The following C5AR1 variants were observed in gnomAD, a reference collection of about 807,000 sequenced individuals.
C5AR1 encodes C5a anaphylatoxin chemotactic receptor 1.
A neutral mutation model predicts 2.4 loss-of-function variants in C5AR1; 4 were observed. The ratio of observed to expected loss-of-function variants is 1.65; its 90% CI spans 0.81 to 3.77. The LOEUF (loss-of-function observed/expected upper bound fraction) is 3.77. Among genes scored for constraint, C5AR1 ranks in the 30% most tolerant of loss-of-function variants. C5AR1 has a pLI of 0.01. For synonymous variants in C5AR1, 209 were observed against 210.4 expected (o/e 0.99, Z 0.06); for missense variants, 418 against 462.5 (o/e 0.90, Z 0.88).
chr19:47,316,884 A>C (rs1004273697), intron 1 of C5AR1, among the ~76,000 whole-genome samples: 8 of 152,062 alleles, frequency 5.3e-5, no homozygotes, highest in Non-Finnish European at 1.0e-4. Flanking sequence ...CTAGAAAAAA[A>C]AAAACAAAAC....
chr19:47,320,242 C>T lies in C5AR1; in HGVS notation c.465C>T (p.Ile155=), dbSNP rs747376765. 19 of 1,613,880 alleles carry T rather than the reference C, an allele frequency of 1.2e-5. 2 individuals are homozygous for T. The South Asian group carries it at 1.4e-4, about 12-fold the overall frequency. The change falls in exon 2 of 2, where the codon ATC becomes ATT. Residue 155 remains isoleucine, a synonymous_variant. Coordinates refer to ENST00000355085, the MANE Select transcript of C5AR1 (RefSeq NM_001736.4). This position sits in a 1 kb window ranked among gnomAD's most constrained non-coding sequence, Gnocchi z 4.9. ...TCCGAGGGGCTGGCTTGGCCTGGAT[C>T]GCCTGTGCCGTGGCTTGGGGTTTAG... is the stretch of plus-strand genomic sequence containing the variant. The part of the protein sequence containing the change: ...QNFRGAGLAW[I]ACAVAWGLAL...
At chr19:47,311,904 C>T (rs2059272271) in intron 1 of C5AR1, among the ~76,000 whole-genome samples, 1 of 152,074 alleles carries the variant, frequency 6.6e-6, no homozygotes, top group Non-Finnish European at 1.5e-5. Flanking sequence ...CTACCTGGGG[C>T]AACCATGGGA....
Position 47,320,197 on chromosome 19 carries a change from AC to A in C5AR1, c.423del (p.Ile142SerfsTer22), listed in dbSNP as rs1283088401. On this transcript the variant is annotated frameshift_variant, in exon 2 of 2. Coordinates refer to ENST00000355085, the MANE Select transcript of C5AR1 (RefSeq NM_001736.4). LOFTEE classifies it low-confidence loss of function (END_TRUNC). The surrounding 1 kb of genome is among the most constrained non-coding windows in gnomAD (Gnocchi z 4.9). ...CCGACCGCTTTCTGCTGGTGTTTAA[AC>A]CCATCTGGTGCCAGAACTTCCGAGG... ...SADRFLLVFK[P>X]IWCQNFRGAG... 1.9e-6 allele frequency: 3 copies of A among 1,613,878 alleles called. No individual in the cohort carries two copies. Among genetic ancestry groups the A allele is most frequent in the Non-Finnish European group, 2.5e-6 (3 of 1,179,988 alleles).
intron 1 of C5AR1, among the ~76,000 whole-genome samples, chr19:47,318,381 C>T (rs540853135): frequency 6.6e-6 from 1 of 151,848 alleles, no homozygotes; most frequent in Non-Finnish European, 1.5e-5. Flanking sequence ...GCAACTTCCA[C>T]CTCCCAGGTT....
chr19:47,317,389 T>TC, intron 1 of C5AR1, among the ~76,000 whole-genome samples: 1 of 151,112 alleles, frequency 6.6e-6, no homozygotes, highest in African/African-American at 2.4e-5. Flanking sequence ...GCACCTGTAG[T>TC]CCCAGCTGCT....
intron 1 of C5AR1, among the ~76,000 whole-genome samples, chr19:47,310,695 C>G (rs1276433463): frequency 6.6e-6 from 1 of 152,128 alleles, no homozygotes; most frequent in Non-Finnish European, 1.5e-5. Flanking sequence ...TGGGTTCTTG[C>G]TATGTTGTCA....
chr19:47,311,164 C>CT (rs935022863), intron 1 of C5AR1, among the ~76,000 whole-genome samples: 80 of 147,616 alleles, frequency 5.4e-4, no homozygotes, highest in African/African-American at 8.6e-4. Context: ...TCTTCTTCTT[C>CT]TTTTTTTTTT....
At chr19:47,313,506 T>C (rs1445655221) in intron 1 of C5AR1, among the ~76,000 whole-genome samples, 1 of 150,864 alleles carries the variant, frequency 6.6e-6, no homozygotes, top group East Asian at 2.0e-4. Flanking sequence ...CCCAGCACTT[T>C]GGGAGGCTGA....
Position 47,321,058 on chromosome 19 carries a change from A to ACC in C5AR1, c.*235_*236dup. ...TCTAGGGAGCACCCTCCCACCCCCC[A>ACC]CCCCCCCCACACACACCATCTTTCC... On this transcript the variant is annotated 3_prime_UTR_variant, in exon 2 of 2. Transcript: ENST00000355085. The ACC allele has an allele frequency of 1.3e-5, 2 of 154,100 alleles. No individual in the cohort carries two copies. Among genetic ancestry groups the ACC allele is most frequent in the Non-Finnish European group, 2.2e-5 (2 of 89,052 alleles). 9.5% of individuals were successfully genotyped at this position (154,100 alleles called of 1,614,324 possible).
rs370410318 is a variant in C5AR1, at chr19:47,320,876, C to T, written c.*46C>T. On this transcript the variant is annotated 3_prime_UTR_variant, in exon 2 of 2. Transcript: ENST00000355085. The surrounding 1 kb of genome is among the most constrained non-coding windows in gnomAD (Gnocchi z 4.9). ...TGTGGCCCGATGTCCCCTTCCTTCC[C>T]GGCCATTCTCCCTCTTGTTTTCACT... The T allele has an allele frequency of 4.1e-5, 62 of 1,509,258 alleles. No homozygotes were observed. In the Middle Eastern group the frequency reaches 7.1e-4, roughly 17 times the overall value. The allele number at this position is 1,509,258 out of a possible 1,614,324, so 93.5% of individuals were successfully genotyped here. A position where few individuals can be genotyped will look rare whatever the true frequency, so the allele number is the denominator to read the frequency against.
chr19:47,311,296 G>T (rs2059269618), intron 1 of C5AR1, among the ~76,000 whole-genome samples: 1 of 151,968 alleles, frequency 6.6e-6, no homozygotes, highest in Non-Finnish European at 1.5e-5. Flanking sequence ...CGGATCACAA[G>T]GTCAGGAGAT....
upstream of C5AR1, among the ~76,000 whole-genome samples, chr19:47,308,682 A>T (rs1472332864): frequency 6.6e-6 from 1 of 151,140 alleles, no homozygotes; most frequent in Non-Finnish European, 1.5e-5. Flanking sequence ...CAGCCTTCTG[A>T]GTAGCTGAGA....
At position 47,320,389 on chromosome 19, in the gene C5AR1, C is replaced by T. The variant is rs748552015; in HGVS notation, c.612C>T (p.Ile204=). 5.6e-6 allele frequency: 9 copies of T among 1,610,130 alleles called. No individual in the cohort carries two copies. Among genetic ancestry groups the T allele is most frequent in the South Asian group, 1.1e-5 (1 of 91,082 alleles). Residue 204 remains isoleucine, a synonymous_variant, in exon 2 of 2, where the codon ATC becomes ATT. Transcript: ENST00000355085. This position sits in a 1 kb window ranked among gnomAD's most constrained non-coding sequence, Gnocchi z 4.9. ...AACGGCGGGAGCGAGCCGTGGCCAT[C>T]GTCCGGCTGGTCCTGGGCTTCCTGT... ...HDKRRERAVA[I]VRLVLGFLWP...
chr19:47,312,648 C>T (rs753790836), intron 1 of C5AR1, among the ~76,000 whole-genome samples: 1 of 152,116 alleles, frequency 6.6e-6, no homozygotes, highest in African/African-American at 2.4e-5. Context: ...GCATACCAGG[C>T]GTTGTATTAG....
At position 47,320,203 on chromosome 19, in the gene C5AR1, C is replaced by G; in HGVS notation, c.426C>G (p.Ile142Met). ...GCTTTCTGCTGGTGTTTAAACCCAT[C>G]TGGTGCCAGAACTTCCGAGGGGCTG... ...ADRFLLVFKPIWCQNFRGAGL... is the reference protein window; with the variant it reads ...ADRFLLVFKPMWCQNFRGAGL... The change falls in exon 2 of 2, where the codon ATC becomes ATG. Residue 142 changes from isoleucine (I) to methionine (M), a missense_variant. Physicochemically the swap from Ile to Met is conservative, Grantham distance 10. Coordinates refer to ENST00000355085, the MANE Select transcript of C5AR1 (RefSeq NM_001736.4). This position sits in a 1 kb window ranked among gnomAD's most constrained non-coding sequence, Gnocchi z 4.9. 6.2e-7 allele frequency: 1 copy of G among 1,614,218 alleles called. No individual in the cohort carries two copies. The highest frequency in any genetic ancestry group is 1.3e-5 in the African/African-American group (1 of 75,076).
intron 1 of C5AR1, 54 bp downstream of exon 1, chr19:47,309,952 C>G (rs2059264819): frequency 1.3e-6 from 2 of 1,596,436 alleles, no homozygotes; most frequent in African/African-American, 2.7e-5. Context: ...TCCCTCCCAT[C>G]TTTGCTCCAG....
intron 1 of C5AR1, among the ~76,000 whole-genome samples, chr19:47,314,550 A>T (rs899228262): frequency 6.6e-6 from 1 of 151,966 alleles, no homozygotes; most frequent in African/African-American, 2.4e-5. Flanking sequence ...GGCGCACGCC[A>T]CCACTCCTGG....
chr19:47,308,934 C>G (rs2059261768), upstream of C5AR1, among the ~76,000 whole-genome samples: 3 of 152,050 alleles, frequency 2.0e-5, no homozygotes, highest in African/African-American at 7.2e-5. Context: ...GCCACCACAC[C>G]TGGGTAATTT....
intron 1 of C5AR1, chr19:47,316,429 C>G (rs901981992): frequency 1.3e-5 from 2 of 150,888 alleles, no homozygotes; most frequent in African/African-American, 5.0e-5. Flanking sequence ...TTATTTATAT[C>G]CATCCATCTT....
Sources: allele counts gnomAD v4.1 joint callset (sites outside exome capture counted in the v4.1 genomes callset), GRCh38; gene constraint gnomAD v4.1.1; non-coding constraint Gnocchi (gnomAD v3.1); transcripts MANE v1.5; gene names NCBI Gene and HGNC (gene_info 2026-07-23, HGNC 2026-07-21).